DHX35: variants seen among roughly 807,000 people sequenced by gnomAD.
DHX35 encodes probable ATP-dependent RNA helicase DHX35.
Under a neutral mutation model 99.6 loss-of-function variants are expected in DHX35, and 84 were observed. The observed-to-expected ratio is 0.84, with a 90% CI of 0.71 to 1.01. The LOEUF is 1.01. Ranked by LOEUF, DHX35 falls within the 50% of genes least tolerant of loss-of-function variation. The pLI is 0.00. For synonymous variants in DHX35, 331 were observed against 316.2 expected (o/e 1.05, Z -0.50); for missense variants, 852 against 888.5 (o/e 0.96, Z 0.52).
chr20:38,978,701 C>T (rs1214361733), intron 3 of DHX35, among the ~76,000 whole-genome samples: 2 of 152,152 alleles, frequency 1.3e-5, no homozygotes, highest in Non-Finnish European at 2.9e-5. Flanking sequence ...TTGATGCAAT[C>T]CCGTTTGTCT....
intron 20 of DHX35, among the ~76,000 whole-genome samples, chr20:39,031,414 G>A (rs571535096): frequency 8.7e-5 from 13 of 148,986 alleles, no homozygotes; most frequent in African/African-American, 3.2e-4. Context: ...TTGGCTCACT[G>A]CAACCTCTGC....
intron 2 of DHX35, among the ~76,000 whole-genome samples, chr20:38,971,007 T>G (rs2085987505): frequency 6.6e-6 from 1 of 152,194 alleles, no homozygotes; most frequent in Admixed American, 6.5e-5. Context: ...ACAAGTTACC[T>G]CTACGCCATC....
chr20:38,972,201 G>C (rs2145838138), intron 2 of DHX35, among the ~76,000 whole-genome samples: 1 of 151,910 alleles, frequency 6.6e-6, no homozygotes, highest in Middle Eastern at 3.4e-3. Context: ...GTAGAGACAG[G>C]GTTTCACCAT....
rs1329017181 is a variant in DHX35 at position 39,025,352 on chromosome 20, T to C, written c.1794T>C (p.Ser598=). 1 of 1,613,460 alleles carries C rather than the reference T, an allele frequency of 6.2e-7. No individual in the cohort carries two copies. The highest frequency in any genetic ancestry group is 1.1e-5 in the South Asian group (1 of 90,972). ...TCAAGTTTCAAGTGCCCAGGAAGTCTAGTGAAGGTGAGAAGAAACCGTCCC... is the reference window on the plus strand; with the variant it reads ...TCAAGTTTCAAGTGCCCAGGAAGTCCAGTGAAGGTGAGAAGAAACCGTCCC... ...LLVKFQVPRK[S]SEGDPDLVLR... The change falls in exon 18 of 22, where the codon TCT becomes TCC. Residue 598 remains serine (S), a synonymous_variant. Coordinates refer to ENST00000252011, the MANE Select transcript of DHX35 (RefSeq NM_021931.4).
intron 18 of DHX35, among the ~76,000 whole-genome samples, chr20:39,026,256 T>G (rs1234317922): frequency 6.6e-6 from 1 of 152,180 alleles, no homozygotes; most frequent in Non-Finnish European, 1.5e-5. Context: ...CTTTTCCCCA[T>G]CTTATAGGTG....
chr20:38,987,325 C>T (rs2086266023), intron 4 of DHX35, among the ~76,000 whole-genome samples: 2 of 152,130 alleles, frequency 1.3e-5, no homozygotes. Context: ...TTGCAACCTC[C>T]ACCTCCCCGG....
At chr20:38,999,590 G>A (rs1359978323) in intron 8 of DHX35, among the ~76,000 whole-genome samples, 1 of 152,214 alleles carries the variant, frequency 6.6e-6, no homozygotes, top group Non-Finnish European at 1.5e-5. Flanking sequence ...CCCCGGTCGA[G>A]TAAGAGTCAC....
chr20:39,010,271 T>C lies in DHX35; in HGVS notation c.1223-9T>C. 1 of 1,614,110 alleles carries C rather than the reference T, an allele frequency of 6.2e-7. No homozygotes were observed. Among genetic ancestry groups the C allele is most frequent in the Non-Finnish European group, 8.5e-7 (1 of 1,179,968 alleles). The stretch of plus-strand genomic sequence containing the variant: ...TTGGTCCCAAACAGTTCTGATTTCC[T>C]ATCCTCAGAGGAAGCCTTTGACAAG... On this transcript the variant is annotated splice_polypyrimidine_tract_variant and intron_variant, in intron 12 of 21. Coordinates refer to ENST00000252011, the MANE Select transcript of DHX35 (RefSeq NM_021931.4).
chr20:39,034,627 G>A (rs1002416635), intron 21 of DHX35, among the ~76,000 whole-genome samples: 7 of 141,792 alleles, frequency 4.9e-5, no homozygotes, highest in African/African-American at 1.9e-4. Flanking sequence ...TCACTCTGCC[G>A]CCCAGGCTGG....
chr20:38,994,485 T>C (rs905320765), intron 7 of DHX35, among the ~76,000 whole-genome samples: 1 of 152,186 alleles, frequency 6.6e-6, no homozygotes, highest in Non-Finnish European at 1.5e-5. Context: ...TCAAACTATC[T>C]TGAGACCCAG....
intron 2 of DHX35, 99 bp downstream of exon 2, chr20:38,969,313 A>T (rs983873039): frequency 7.3e-7 from 1 of 1,376,448 alleles, no homozygotes; most frequent in Non-Finnish European, 9.7e-7. Context: ...TTTCTAGAAC[A>T]CAGTGAGCTC....
intron 3 of DHX35, among the ~76,000 whole-genome samples, chr20:38,981,382 G>C (rs2086169710): frequency 6.6e-6 from 1 of 151,904 alleles, no homozygotes; most frequent in Non-Finnish European, 1.5e-5. Context: ...TTATTTCTTA[G>C]ATTATTTGCG....
At chr20:39,036,726 C>CAAAAAAAAAAA (rs60032935) in intron 21 of DHX35, among the ~76,000 whole-genome samples, 1 of 51,698 alleles carries the variant, frequency 1.9e-5, no homozygotes, top group African/African-American at 7.9e-5. Context: ...ACTGTCCCCC[C>CAAAAAAAAAAA]AAAAAAAAAA....
chr20:39,001,321 G>A (rs2086516454), intron 8 of DHX35, among the ~76,000 whole-genome samples: 1 of 152,142 alleles, frequency 6.6e-6, no homozygotes, highest in South Asian at 2.1e-4. Flanking sequence ...TCATATCTGT[G>A]TTTTCCAGAT....
chr20:39,032,004 A>C (rs952673002), intron 20 of DHX35, among the ~76,000 whole-genome samples: 1 of 152,230 alleles, frequency 6.6e-6, no homozygotes, highest in Non-Finnish European at 1.5e-5. Context: ...AGACATCTTT[A>C]TAACATTTCA....
At chr20:39,023,154 A>G (rs994912726) in intron 16 of DHX35, among the ~76,000 whole-genome samples, 13 of 152,248 alleles carry the variant, frequency 8.5e-5, no homozygotes, top group African/African-American at 2.9e-4. Context: ...ATACCTTGTA[A>G]TAAATTATCT....
chr20:39,020,422 T>C (rs910613717), intron 15 of DHX35, among the ~76,000 whole-genome samples: 2 of 152,166 alleles, frequency 1.3e-5, no homozygotes, highest in African/African-American at 4.8e-5. Flanking sequence ...AGGACATGGG[T>C]TCTAGGTTAA....
At chr20:38,977,615 C>T (rs866421693) in intron 3 of DHX35, 18 of 327,472 alleles carry the variant, frequency 5.5e-5, no homozygotes, top group East Asian at 2.5e-4. Flanking sequence ...TTTTGGACAA[C>T]GCAGTCTTGG....
intron 16 of DHX35, among the ~76,000 whole-genome samples, chr20:39,022,432 A>G (rs1383025172): frequency 6.6e-6 from 1 of 152,166 alleles, no homozygotes; most frequent in Non-Finnish European, 1.5e-5. Context: ...CTGGTATTAC[A>G]AGCGTGAGCC....
Sources: gnomAD v4.1 joint callset for allele counts (sites outside exome capture counted in the v4.1 genomes callset) on GRCh38, gnomAD v4.1.1 for gene constraint, MANE v1.5 for transcripts, NCBI Gene and HGNC (gene_info 2026-07-23, HGNC 2026-07-21) for gene names.